Variants in GULP1 observed in about 807,000 individuals in gnomAD.
GULP1 encodes the protein PTB domain-containing engulfment adapter protein 1.
A neutral mutation model predicts 40.9 loss-of-function variants in GULP1; 19 were observed. The observed-to-expected ratio is 0.46, with a 90% confidence interval of 0.32 to 0.68. The LOEUF is 0.68. Ranked by LOEUF, GULP1 falls within the 30% of genes least tolerant of loss-of-function variation. The pLI is 0.03. For synonymous variants in GULP1, 119 were observed against 117.6 expected (o/e 1.01, Z -0.08); for missense variants, 312 against 362.2 (o/e 0.86, Z 1.12).
intron 4 of GULP1, among the ~76,000 whole-genome samples, chr2:188,496,498 G>GA (rs964771248): frequency 1.3e-5 from 2 of 151,992 alleles, no homozygotes; most frequent in Admixed American, 1.3e-4. Flanking sequence ...AACTTCTGGG[G>GA]AAAAAATGAG....
At chr2:188,527,206 AG>A (rs1352438087) in intron 5 of GULP1, among the ~76,000 whole-genome samples, 3 of 151,954 alleles carry the variant, frequency 2.0e-5, no homozygotes, top group African/African-American at 4.8e-5. Context: ...TAGATGTTTC[AG>A]GGGGAAAAAA....
At chr2:188,577,789 A>G (rs2153449357) in intron 9 of GULP1, among the ~76,000 whole-genome samples, 1 of 152,228 alleles carries the variant, frequency 6.6e-6, no homozygotes, top group African/African-American at 2.4e-5. Flanking sequence ...AAATTAGAGA[A>G]GTCATTACCT....
intron 4 of GULP1, among the ~76,000 whole-genome samples, chr2:188,511,250 A>C (rs2064508706): frequency 6.6e-6 from 1 of 152,156 alleles, no homozygotes; most frequent in African/African-American, 2.4e-5. Context: ...ATAAATCTGA[A>C]CTAGCTAAAT....
At chr2:188,548,858 G>GTTTTGTTTTGTTTTA (rs141155051) in intron 7 of GULP1, among the ~76,000 whole-genome samples, 1 of 151,540 alleles carries the variant, frequency 6.6e-6, no homozygotes. Flanking sequence ...GTTTTGTTTT[G>GTTTTGTTTTGTTTTA]TTTTATTTTG....
intron 2 of GULP1, among the ~76,000 whole-genome samples, chr2:188,441,803 C>T (rs201558599): frequency 1.3e-5 from 2 of 152,138 alleles, no homozygotes; most frequent in East Asian, 3.9e-4. Flanking sequence ...CTTGCATGTG[C>T]TAGAATTGAT....
At chr2:188,593,833 T>C in intron 11 of GULP1, 107 bp from the exon 12 acceptor site, 1 of 664,744 alleles carries the variant, frequency 1.5e-6, no homozygotes, top group Non-Finnish European at 2.7e-6. Flanking sequence ...TATTTATTAG[T>C]TGATCAAAGC....
chr2:188,538,592 A>C (rs1048768640), intron 6 of GULP1, among the ~76,000 whole-genome samples: 19 of 152,036 alleles, frequency 1.2e-4, no homozygotes, highest in African/African-American at 4.3e-4. Flanking sequence ...TTAAAAATGT[A>C]GGAAATCTAA....
Position 188,476,856 on chromosome 2 carries a change from C to G in GULP1, c.-44-803C>G, listed in dbSNP as rs192650135. 8.1e-4 allele frequency among the ~76,000 whole-genome samples: 124 copies of G among 152,188 alleles called. 1 individual carries two copies. The highest frequency in any genetic ancestry group is 7.7e-4 in the East Asian group (4 of 5,170). ...CTTCTTAGACCTTAATGTGAATTGTCTCTGAGTCTCTGAGGGAATTACTCC... is the reference window on the plus strand; with the variant it reads ...CTTCTTAGACCTTAATGTGAATTGTGTCTGAGTCTCTGAGGGAATTACTCC... On this transcript the variant is annotated intron_variant, in intron 2 of 11. Coordinates refer to ENST00000409830, the MANE Select transcript of GULP1 (RefSeq NM_016315.4).
intron 4 of GULP1, among the ~76,000 whole-genome samples, chr2:188,489,928 A>G (rs537986625): frequency 2.4e-4 from 37 of 152,228 alleles, no homozygotes; most frequent in African/African-American, 8.2e-4. Context: ...CTAACATTGC[A>G]TGGCTTCTGG....
Position 188,292,603 on chromosome 2 carries a change from G to A in GULP1, c.-172+437G>A, listed in dbSNP as rs1193290366. 6.6e-6 allele frequency among the ~76,000 whole-genome samples: 1 copy of A among 152,108 alleles called. No individual in the cohort carries two copies. Among genetic ancestry groups the A allele is most frequent in the East Asian group, 1.9e-4 (1 of 5,160 alleles). ...GCTGAGGGTGCGTGGATCAGACTGG[G>A]CTGAGCAGGCAAGTCATCGTCGGGT... is the stretch of plus-strand genomic sequence containing the variant. On this transcript the variant is annotated intron_variant, in intron 1 of 11. Transcript: ENST00000409830. This position sits in a 1 kb window ranked among gnomAD's most constrained non-coding sequence, Gnocchi z 4.0.
At chr2:188,304,271 A>G (rs2036657503) in intron 1 of GULP1, among the ~76,000 whole-genome samples, 1 of 152,188 alleles carries the variant, frequency 6.6e-6, no homozygotes, top group South Asian at 2.1e-4. Flanking sequence ...CTTTCTGTCT[A>G]TTAAGATCTT....
chr2:188,574,974 G>C (rs1239145239), intron 9 of GULP1, among the ~76,000 whole-genome samples: 1 of 152,156 alleles, frequency 6.6e-6, no homozygotes, highest in Non-Finnish European at 1.5e-5. Context: ...CTAAGGGAAG[G>C]TTGCTATTTC....
intron 2 of GULP1, among the ~76,000 whole-genome samples, chr2:188,420,954 C>A (rs1367597865): frequency 6.6e-6 from 1 of 152,090 alleles, no homozygotes; most frequent in Non-Finnish European, 1.5e-5. Flanking sequence ...TTGTCTGTCT[C>A]CTGTCGCTAT....
chr2:188,509,927 C>T (rs1422112035), intron 4 of GULP1, among the ~76,000 whole-genome samples: 1 of 152,022 alleles, frequency 6.6e-6, no homozygotes, highest in Non-Finnish European at 1.5e-5. Context: ...GATGTATCCT[C>T]ATATCTGAAA....
intron 2 of GULP1, among the ~76,000 whole-genome samples, chr2:188,422,766 T>A (rs1197619432): frequency 2.6e-5 from 4 of 152,086 alleles, no homozygotes; most frequent in African/African-American, 9.7e-5. Context: ...GAAAGTACCT[T>A]TTCCTTTATT....
At chr2:188,384,920 G>C (rs1207338669) in intron 2 of GULP1, among the ~76,000 whole-genome samples, 2 of 152,194 alleles carry the variant, frequency 1.3e-5, no homozygotes, top group Non-Finnish European at 2.9e-5. Flanking sequence ...CGCCTCTGTG[G>C]CTTTGCAGGG....
At chr2:188,441,334 A>G (rs541053990) in intron 2 of GULP1, among the ~76,000 whole-genome samples, 12 of 152,294 alleles carry the variant, frequency 7.9e-5, no homozygotes, top group African/African-American at 2.9e-4. Flanking sequence ...TGTTGACAAA[A>G]TAAATGTTTA....
chr2:188,561,016 C>T (rs1696116670), intron 7 of GULP1, among the ~76,000 whole-genome samples: 1 of 152,196 alleles, frequency 6.6e-6, no homozygotes, highest in South Asian at 2.1e-4. Flanking sequence ...TATGGGGACA[C>T]AGGTCCAAAC....
At chr2:188,578,087 C>T (rs971300381) in intron 9 of GULP1, among the ~76,000 whole-genome samples, 3 of 151,838 alleles carry the variant, frequency 2.0e-5, no homozygotes, top group South Asian at 2.1e-4. Flanking sequence ...TTAATCTTGA[C>T]ATTTTTGTTT....
Sources: gnomAD v4.1 joint callset for allele counts (sites outside exome capture counted in the v4.1 genomes callset) on GRCh38, gnomAD v4.1.1 for gene constraint, Gnocchi (gnomAD v3.1) non-coding constraint, MANE v1.5 for transcripts, NCBI Gene and HGNC (gene_info 2026-07-23, HGNC 2026-07-21) for gene names.